The following LAMA4 variants were observed in gnomAD, a reference collection of about 807,000 sequenced individuals.
The protein encoded by LAMA4 is laminin subunit alpha 4.
In LAMA4, 127 loss-of-function variants were observed where a neutral mutation model predicts 207.1. That is an observed-to-expected ratio of 0.61 (90% confidence interval 0.53 to 0.71). The LOEUF (loss-of-function observed/expected upper bound fraction) is 0.71. Ranked by LOEUF, LAMA4 falls within the 30% of genes least tolerant of loss-of-function variation. The pLI is 0.00. For synonymous variants in LAMA4, 761 were observed against 816.0 expected (o/e 0.93, Z 1.15); for missense variants, 2,093 against 2,246.5 (o/e 0.93, Z 1.38).
chr6:112,136,555 G>C (rs1349023762), intron 24 of LAMA4, among the ~76,000 whole-genome samples: 1 of 152,048 alleles, frequency 6.6e-6, no homozygotes, highest in Non-Finnish European at 1.5e-5. Context: ...AGCCAGGCGT[G>C]GTGGTAGGCA....
At chr6:112,200,048 G>A (rs1210401717) in intron 5 of LAMA4, 1 of 517,934 alleles carries the variant, frequency 1.9e-6, no homozygotes, top group East Asian at 5.6e-5. Flanking sequence ...AAGAAAACCT[G>A]TCTGAGAGAC....
chr6:112,249,776 G>C (rs1787296888), intron 2 of LAMA4, among the ~76,000 whole-genome samples: 1 of 152,170 alleles, frequency 6.6e-6, no homozygotes, highest in African/African-American at 2.4e-5. Flanking sequence ...TACTATTATT[G>C]CTATTACCAC....
chr6:112,225,915 T>C (rs1205182870), intron 2 of LAMA4, among the ~76,000 whole-genome samples: 1 of 152,216 alleles, frequency 6.6e-6, no homozygotes, highest in Non-Finnish European at 1.5e-5. Flanking sequence ...TGAGTTTTAG[T>C]AAGTTTTATT....
intron 6 of LAMA4, among the ~76,000 whole-genome samples, 173 bp downstream of exon 6, chr6:112,191,463 A>C (rs887082649): frequency 6.6e-6 from 1 of 152,172 alleles, no homozygotes; most frequent in Non-Finnish European, 1.5e-5. Context: ...CCTTGATAAA[A>C]ATTTCTATCC....
At chr6:112,246,633 CT>C (rs1405064472) in intron 2 of LAMA4, among the ~76,000 whole-genome samples, 3 of 151,554 alleles carry the variant, frequency 2.0e-5, no homozygotes, top group Non-Finnish European at 4.4e-5. Context: ...GAATTCTCTG[CT>C]TCAGCCTCCC....
chr6:112,144,952 A>G lies in LAMA4; in HGVS notation c.2354-19T>C, dbSNP rs192622568. On this transcript the variant is annotated intron_variant, in intron 18 of 38. Coordinates refer to ENST00000230538, the MANE Select transcript of LAMA4 (RefSeq NM_001105206.3). Reference sequence around the variant, plus strand: ...TTTCTTACTGCAGTTAATAAAAATTAATCATTTAAGAAAATAACTCAATAT... The same window carrying G: ...TTTCTTACTGCAGTTAATAAAAATTGATCATTTAAGAAAATAACTCAATAT... The G allele has an allele frequency of 4.9e-5, 78 of 1,601,524 alleles. No individual in the cohort carries two copies. The highest frequency in any genetic ancestry group is 6.5e-5 in the Non-Finnish European group (76 of 1,171,500).
Position 112,187,502 on chromosome 6 carries a change from G to A in LAMA4, c.914C>T (p.Ala305Val). ...KSGVLSVSSG[A>V]AAHRHVNEIN... is the part of the protein sequence containing the mutation. ...TTCATTCACGTGCCTATGAGCGGCG[G>A]CCCCAGAGGATACGCTCAGCACCCC... Residue 305 changes from alanine to valine, a missense_variant, in exon 8 of 39, where the codon GCC becomes GTC. By Grantham distance (64) the Ala-to-Val change is moderately conservative. Around this residue, in one of 3 missense-constraint regions of LAMA4, gnomAD observed 1,704 missense variants for 1,788.4 expected, o/e 0.95. Coordinates refer to ENST00000230538, the MANE Select transcript of LAMA4 (RefSeq NM_001105206.3). The A allele has an allele frequency of 6.2e-7, 1 of 1,614,128 alleles. No individual in the cohort carries two copies. The highest frequency in any genetic ancestry group is 8.5e-7 in the Non-Finnish European group (1 of 1,180,008).
chr6:112,202,395 C>G (rs543783863), intron 4 of LAMA4, among the ~76,000 whole-genome samples: 1 of 151,882 alleles, frequency 6.6e-6, no homozygotes, highest in East Asian at 1.9e-4. Context: ...ATGGTCTCCA[C>G]GTGTTTGGAA....
rs1554342213 is a variant in LAMA4, at chr6:112,172,624, T to A, written c.1538A>T (p.Gln513Leu). The A allele has an allele frequency of 6.2e-7, 1 of 1,612,952 alleles. No homozygotes were observed. Among genetic ancestry groups the A allele is most frequent in the South Asian group, 1.1e-5 (1 of 91,028 alleles). ...TGTCCGCTGTACCTCATGGTCCCGC[T>A]GCCTGGCTGCTGTGGCCCTGTTCAT... ...EDMNRATAARQRDHEKQQERV... is the reference protein window; with the variant it reads ...EDMNRATAARLRDHEKQQERV... The change falls in exon 12 of 39, where the codon CAG (glutamine) becomes CTG (leucine). Residue 513 changes from glutamine to leucine, a missense_variant. Around this residue, in one of 3 missense-constraint regions of LAMA4, gnomAD observed 1,704 missense variants for 1,788.4 expected, o/e 0.95. Transcript: ENST00000230538.
intron 5 of LAMA4, among the ~76,000 whole-genome samples, chr6:112,197,897 T>C (rs2114989030): frequency 6.6e-6 from 1 of 152,346 alleles, no homozygotes; most frequent in Middle Eastern, 3.4e-3. Flanking sequence ...TCTTCTCTTA[T>C]TATAACGTGA....
chr6:112,156,637 C>T (rs782008023), intron 14 of LAMA4, among the ~76,000 whole-genome samples: 1 of 152,100 alleles, frequency 6.6e-6, no homozygotes, highest in African/African-American at 2.4e-5. Flanking sequence ...CAGTCCCAAA[C>T]ATCGATGATT....
At chr6:112,155,531 G>A in intron 15 of LAMA4, 34 bp downstream of exon 15, 1 of 1,613,044 alleles carries the variant, frequency 6.2e-7, no homozygotes, top group Middle Eastern at 1.7e-4. Context: ...CAGTGGGAAA[G>A]GCAAGGTATA....
At chr6:112,219,360 T>C (rs1017015585) in intron 2 of LAMA4, 20 of 152,144 alleles carry the variant, frequency 1.3e-4, no homozygotes, top group African/African-American at 4.6e-4. Context: ...GTCTCCACAG[T>C]TTACTAAACA....
chr6:112,178,210 C>T lies in LAMA4; in HGVS notation c.1100G>A (p.Gly367Glu). ...CATGCTTTCCTTCTGAACAAGTTGT[C>T]CTTTTCTGGAGGCTTGATTTTCCTA... ...VEKENQASRK[G>E]QLVQKESMDT... is the part of the protein sequence containing the mutation. Residue 367 changes from glycine to glutamate, a missense_variant, in exon 10 of 39, where the codon GGA becomes GAA. Transcript: ENST00000230538. The T allele has an allele frequency of 1.9e-6, 3 of 1,613,734 alleles. No homozygotes were observed. Among genetic ancestry groups the T allele is most frequent in the South Asian group, 1.1e-5 (1 of 91,068 alleles).
At chr6:112,143,435 C>T (rs557998327) in intron 19 of LAMA4, among the ~76,000 whole-genome samples, 3 of 152,214 alleles carry the variant, frequency 2.0e-5, no homozygotes, top group African/African-American at 7.2e-5. Flanking sequence ...CAGGTGTGCG[C>T]CACCACGCCC....
intron 3 of LAMA4, among the ~76,000 whole-genome samples, chr6:112,210,437 C>T (rs552540121): frequency 1.3e-5 from 2 of 152,222 alleles, no homozygotes; most frequent in South Asian, 2.1e-4. Flanking sequence ...TCTAGATAAT[C>T]GATTGCAGAT....
chr6:112,176,622 C>T (rs1010121402), intron 10 of LAMA4, among the ~76,000 whole-genome samples: 5 of 152,110 alleles, frequency 3.3e-5, no homozygotes, highest in Admixed American at 2.0e-4. Flanking sequence ...TATTAACCTG[C>T]GAAATAAACT....
intron 9 of LAMA4, chr6:112,179,128 T>C: frequency 6.6e-6 from 1 of 152,184 alleles, no homozygotes; most frequent in Non-Finnish European, 1.5e-5. Context: ...TCAGCGTGAA[T>C]GGAGCTCTTC....
chr6:112,155,306 A>ATTT, intron 15 of LAMA4: 1 of 523,794 alleles, frequency 1.9e-6, no homozygotes, highest in Non-Finnish European at 3.4e-6. Context: ...TTAAATACAT[A>ATTT]TTTTTTTTTT....
Sources: allele counts gnomAD v4.1 joint callset (sites outside exome capture counted in the v4.1 genomes callset), GRCh38; gene constraint gnomAD v4.1.1; regional missense constraint gnomAD v4.1.1; transcripts MANE v1.5; gene names NCBI Gene and HGNC (gene_info 2026-07-23, HGNC 2026-07-21).